The following VAV2 variants were observed in gnomAD, a reference collection of about 807,000 sequenced individuals.
VAV2 encodes the protein guanine nucleotide exchange factor VAV2.
VAV2 carries 67 observed loss-of-function variants against 132.5 expected under a neutral mutation model. The ratio of observed to expected loss-of-function variants is 0.51; its 90% CI spans 0.42 to 0.62. VAV2 has a LOEUF of 0.62. VAV2 is among the 20% of genes least tolerant of loss of function. The pLI, the probability that VAV2 is intolerant of heterozygous loss-of-function variation, is 0.00. For missense variants in VAV2, 938 were observed against 1,153.6 expected, an observed-to-expected ratio of 0.81 and a Z score of 2.71; for synonymous variants, 492 against 443.5, an observed-to-expected ratio of 1.11 and a Z score of -1.37.
At chr9:133,791,482 G>T (rs1204730603) in intron 13 of VAV2, among the ~76,000 whole-genome samples, 5 of 152,138 alleles carry the variant, frequency 3.3e-5, no homozygotes, top group African/African-American at 9.7e-5. Flanking sequence ...TCTAGGCTTG[G>T]GGGAGAAGGG....
At chr9:133,950,795 CTT>C (rs1390344554) in intron 1 of VAV2, among the ~76,000 whole-genome samples, 2 of 152,138 alleles carry the variant, frequency 1.3e-5, no homozygotes, top group Non-Finnish European at 1.5e-5. Flanking sequence ...GAAACGGGCT[CTT>C]GTCTCTGCCA....
chr9:133,865,188 C>T (rs532621892), intron 2 of VAV2, among the ~76,000 whole-genome samples: 2 of 152,290 alleles, frequency 1.3e-5, no homozygotes, highest in South Asian at 4.2e-4. Flanking sequence ...GTATTTGCAA[C>T]TTAAACATCC....
At chr9:133,839,784 A>T (rs565214665) in intron 3 of VAV2, among the ~76,000 whole-genome samples, 1 of 152,342 alleles carries the variant, frequency 6.6e-6, no homozygotes, top group South Asian at 2.1e-4. Context: ...AGCTTGTAAG[A>T]GATCACACAG....
chr9:133,963,354 G>A (rs1341899908), intron 1 of VAV2, among the ~76,000 whole-genome samples: 2 of 152,312 alleles, frequency 1.3e-5, no homozygotes, highest in East Asian at 3.9e-4. Context: ...AGAGGGCACG[G>A]AGGCCATCAA....
intron 2 of VAV2, among the ~76,000 whole-genome samples, chr9:133,897,620 G>A (rs1338363490): frequency 1.3e-5 from 2 of 151,980 alleles, no homozygotes; most frequent in Non-Finnish European, 2.9e-5. Context: ...AGCAACACAG[G>A]CCCCCCTCTG....
intron 1 of VAV2, chr9:133,939,443 G>C (rs1187261535): frequency 1.7e-6 from 1 of 586,850 alleles, no homozygotes; most frequent in Non-Finnish European, 3.0e-6. Flanking sequence ...GAAGCAGGCA[G>C]ACCAGCTCCA....
intron 4 of VAV2, among the ~76,000 whole-genome samples, chr9:133,832,639 A>T (rs1249485579): frequency 6.6e-6 from 1 of 151,672 alleles, no homozygotes; most frequent in African/African-American, 2.4e-5. Flanking sequence ...GCTCACTGTA[A>T]CCTCCGCCTC....
intron 5 of VAV2, among the ~76,000 whole-genome samples, chr9:133,811,136 G>C (rs898071240): frequency 6.6e-6 from 1 of 151,652 alleles, no homozygotes; most frequent in Non-Finnish European, 1.5e-5. Flanking sequence ...ACCATCCCTC[G>C]GGGGAGACCC....
chr9:133,932,018 G>A (rs2519818), intron 2 of VAV2, among the ~76,000 whole-genome samples: 123,388 of 152,126 alleles, frequency 0.81, 51,471 homozygotes, highest in East Asian at 0.94. Flanking sequence ...AGCTCGCAAT[G>A]AGATCAGAGT....
chr9:133,874,052 G>T (rs981929502), intron 2 of VAV2, among the ~76,000 whole-genome samples: 1 of 152,206 alleles, frequency 6.6e-6, no homozygotes, highest in Admixed American at 6.5e-5. Context: ...TTCTGAGGAG[G>T]AGTCACCGGG....
intron 10 of VAV2, among the ~76,000 whole-genome samples, chr9:133,797,401 C>G (rs906564906): frequency 1.8e-4 from 28 of 152,214 alleles, no homozygotes; most frequent in African/African-American, 5.5e-4. Flanking sequence ...GCACCTGGGG[C>G]TCCCTGGAGT....
At chr9:133,850,220 C>T (rs78537636) in intron 3 of VAV2, among the ~76,000 whole-genome samples, 10 of 152,196 alleles carry the variant, frequency 6.6e-5, no homozygotes, top group Admixed American at 6.5e-5. Context: ...GGATCCCAGC[C>T]GGGCCTCGAA....
chr9:133,973,894 G>A (rs12351441), intron 1 of VAV2, among the ~76,000 whole-genome samples: 1,756 of 150,036 alleles, frequency 0.012, 44 homozygotes, highest in African/African-American at 0.041. Flanking sequence ...AAAGAACCTC[G>A]GGGCAGAAAA....
intron 2 of VAV2, among the ~76,000 whole-genome samples, chr9:133,917,603 C>T (rs1840144183): frequency 6.6e-6 from 1 of 152,184 alleles, no homozygotes; most frequent in Non-Finnish European, 1.5e-5. Context: ...GGGACTTTGC[C>T]TACCCCCTCT....
In VAV2 at chr9:133,961,749, C is replaced by T. The variant is rs1027883885; in HGVS notation, c.205-22530G>A. On this transcript the variant is annotated intron_variant, in intron 1 of 29. Coordinates refer to ENST00000371850, the MANE Select transcript of VAV2 (RefSeq NM_001134398.2). The surrounding 1 kb of genome is among the most constrained non-coding windows in gnomAD (Gnocchi z 4.1). Reference sequence around the variant, plus strand: ...GCAGAAAAGACACAGGACACAACCACGGCCCAGTGGCTCAGGGAGAAGACC... The same window carrying T: ...GCAGAAAAGACACAGGACACAACCATGGCCCAGTGGCTCAGGGAGAAGACC... Among the ~76,000 whole-genome samples the T allele has an allele frequency of 1.3e-5, 2 of 152,180 alleles. No homozygotes were observed. Among genetic ancestry groups the T allele is most frequent in the African/African-American group, 2.4e-5 (1 of 41,440 alleles).
chr9:133,961,234 G>A lies in VAV2; in HGVS notation c.205-22015C>T, dbSNP rs972952467. Among the ~76,000 whole-genome samples, 5 of 152,230 alleles carry A rather than the reference G, an allele frequency of 3.3e-5. No homozygotes were observed. The highest frequency in any genetic ancestry group is 1.2e-4 in the African/African-American group (5 of 41,462). On this transcript the variant is annotated intron_variant, in intron 1 of 29. Transcript: ENST00000371850. This position sits in a 1 kb window ranked among gnomAD's most constrained non-coding sequence, Gnocchi z 4.1. ...TAGTCAACCTTTTGATCTCAGAGGA[G>A]TGTCCATTAAGAGTAGGGTTCCTCA...
chr9:133,941,440 A>T (rs1046216252), intron 1 of VAV2, among the ~76,000 whole-genome samples: 5 of 152,190 alleles, frequency 3.3e-5, no homozygotes, highest in Admixed American at 2.6e-4. Flanking sequence ...GGCTACTGAA[A>T]ACCTAGATTG....
intron 6 of VAV2, among the ~76,000 whole-genome samples, chr9:133,809,682 C>T (rs147521155): frequency 2.0e-5 from 3 of 152,234 alleles, no homozygotes; most frequent in African/African-American, 7.2e-5. Context: ...CCCCCACCGC[C>T]AGCAGGGTCC....
At chr9:133,957,814 G>C (rs1016471108) in intron 1 of VAV2, among the ~76,000 whole-genome samples, 1 of 150,914 alleles carries the variant, frequency 6.6e-6, no homozygotes, top group Non-Finnish European at 1.5e-5. Context: ...GAGTGTCACT[G>C]TATCTGTGTA....
Sources: allele counts gnomAD v4.1 joint callset (sites outside exome capture counted in the v4.1 genomes callset), GRCh38; gene constraint gnomAD v4.1.1; non-coding constraint Gnocchi (gnomAD v3.1); transcripts MANE v1.5; gene names NCBI Gene and HGNC (gene_info 2026-07-23, HGNC 2026-07-21).